Variants in LAMA2 observed in about 807,000 individuals in gnomAD.
LAMA2 encodes laminin subunit alpha 2, also known as laminin subunit alpha-2.
A neutral mutation model predicts 364.8 loss-of-function variants in LAMA2; 269 were observed. The observed-to-expected ratio is 0.74, with a 90% CI of 0.67 to 0.82. LAMA2 has a LOEUF of 0.82. Ranked by LOEUF, LAMA2 falls within the 40% of genes least tolerant of loss-of-function variation. The pLI is 0.00. For missense variants in LAMA2, 3,807 were observed against 3,873.2 expected, an observed-to-expected ratio of 0.98 and a Z score of 0.45; for synonymous variants, 1,379 against 1,370.6, an observed-to-expected ratio of 1.01 and a Z score of -0.14.
intron 12 of LAMA2, among the ~76,000 whole-genome samples, chr6:129,225,330 T>G (rs1043341216): frequency 3.3e-5 from 5 of 152,228 alleles, no homozygotes; most frequent in Admixed American, 1.3e-4. Flanking sequence ...TGACTCTATC[T>G]CCTTCAGTTC....
chr6:128,980,244 AAC>A (rs1279671757), intron 1 of LAMA2, among the ~76,000 whole-genome samples: 1 of 152,230 alleles, frequency 6.6e-6, no homozygotes, highest in Non-Finnish European at 1.5e-5. Context: ...CACACACACT[AAC>A]ACTTGGTGTG....
At chr6:129,350,415 C>T (rs1776794591) in intron 31 of LAMA2, among the ~76,000 whole-genome samples, 1 of 152,194 alleles carries the variant, frequency 6.6e-6, no homozygotes, top group African/African-American at 2.4e-5. Context: ...ACACTGAAGC[C>T]TTCTCTCCAA....
chr6:129,165,078 A>C (rs989945543), intron 8 of LAMA2, among the ~76,000 whole-genome samples: 2 of 152,142 alleles, frequency 1.3e-5, no homozygotes, highest in African/African-American at 2.4e-5. Context: ...TCTAATTTTA[A>C]CACTCTGATT....
intron 1 of LAMA2, among the ~76,000 whole-genome samples, chr6:128,942,259 GA>G (rs577735191): frequency 3.0e-4 from 45 of 149,726 alleles, no homozygotes; most frequent in African/African-American, 5.1e-4. Flanking sequence ...GGAGAAACTT[GA>G]AAAAAAAATC....
chr6:129,466,303 C>A (rs1260461536), intron 51 of LAMA2, among the ~76,000 whole-genome samples: 1 of 151,858 alleles, frequency 6.6e-6, no homozygotes, highest in East Asian at 1.9e-4. Flanking sequence ...AAGAGAGACA[C>A]TTGAGTCAAA....
chr6:129,463,523 CAGAT>C, intron 49 of LAMA2, among the ~76,000 whole-genome samples: 1 of 152,064 alleles, frequency 6.6e-6, no homozygotes, highest in South Asian at 2.1e-4. Flanking sequence ...TAACATCAGA[CAGAT>C]AGGTAGGTAG....
chr6:129,293,304 T>C (rs887685360), intron 20 of LAMA2, among the ~76,000 whole-genome samples: 10 of 152,208 alleles, frequency 6.6e-5, no homozygotes, highest in Non-Finnish European at 1.5e-4. Context: ...AAACTTTCAA[T>C]TAACCATGAA....
At chr6:129,243,393 T>C (rs748307806) in intron 12 of LAMA2, among the ~76,000 whole-genome samples, 14 of 152,244 alleles carry the variant, frequency 9.2e-5, no homozygotes, top group Non-Finnish European at 1.9e-4. Context: ...CAAAACACTA[T>C]AATGAATATC....
At chr6:129,020,963 A>G (rs1476175384) in intron 1 of LAMA2, among the ~76,000 whole-genome samples, 2 of 152,250 alleles carry the variant, frequency 1.3e-5, no homozygotes, top group Non-Finnish European at 2.9e-5. Flanking sequence ...TCCCCTGTAC[A>G]GAAAAGTTTG....
intron 30 of LAMA2, among the ~76,000 whole-genome samples, chr6:129,347,613 G>A (rs907099734): frequency 2.0e-5 from 3 of 152,160 alleles, no homozygotes; most frequent in Admixed American, 6.5e-5. Flanking sequence ...TAAAAATTCT[G>A]TTGAGGGGAG....
chr6:129,200,425 T>TGTGTACACATATAC (rs1782195834), intron 12 of LAMA2, among the ~76,000 whole-genome samples: 5 of 149,746 alleles, frequency 3.3e-5, no homozygotes, highest in Non-Finnish European at 7.4e-5. Flanking sequence ...TATACGTGTA[T>TGTGTACACATATAC]ATGTGTACAC....
chr6:128,929,377 C>A (rs1463736764), intron 1 of LAMA2: 6 of 1,005,258 alleles, frequency 6.0e-6, no homozygotes, highest in African/African-American at 1.6e-5. Flanking sequence ...CAAAGAAGTT[C>A]ATCAGTCATG....
At chr6:128,994,219 T>G (rs1277620184) in intron 1 of LAMA2, among the ~76,000 whole-genome samples, 1 of 152,244 alleles carries the variant, frequency 6.6e-6, no homozygotes, top group Non-Finnish European at 1.5e-5. Context: ...AAGGAGGATT[T>G]GAAGTATTTG....
At chr6:129,324,217 A>G (rs368959119) in intron 28 of LAMA2, among the ~76,000 whole-genome samples, 104 of 152,348 alleles carry the variant, frequency 6.8e-4, no homozygotes, top group African/African-American at 2.2e-3. Flanking sequence ...GCAAACATAG[A>G]AAAAACTATT....
At chr6:129,264,351 G>A (rs963231509) in intron 15 of LAMA2, among the ~76,000 whole-genome samples, 23 of 151,914 alleles carry the variant, frequency 1.5e-4, no homozygotes, top group African/African-American at 5.6e-4. Context: ...TGGTTGTGGT[G>A]TCATTTACTG....
intron 8 of LAMA2, among the ~76,000 whole-genome samples, chr6:129,162,978 C>T (rs1779528211): frequency 6.6e-6 from 1 of 152,112 alleles, no homozygotes; most frequent in Admixed American, 6.5e-5. Flanking sequence ...AGTTTTCCAA[C>T]CTCAGAGTTA....
At chr6:129,217,770 C>A (rs1783519449) in intron 12 of LAMA2, among the ~76,000 whole-genome samples, 1 of 152,078 alleles carries the variant, frequency 6.6e-6, no homozygotes, top group African/African-American at 2.4e-5. Context: ...CTGGGAACCC[C>A]AGGATATAAT....
intron 1 of LAMA2, among the ~76,000 whole-genome samples, chr6:128,924,022 G>A (rs574223078): frequency 1.3e-5 from 2 of 152,210 alleles, no homozygotes; most frequent in Non-Finnish European, 2.9e-5. Context: ...TTAACTGCAA[G>A]GGGCTGAGAA....
chr6:129,427,252 A>C (rs554020088), intron 40 of LAMA2, among the ~76,000 whole-genome samples: 1 of 152,290 alleles, frequency 6.6e-6, no homozygotes, highest in African/African-American at 2.4e-5. Context: ...TCATTTCAGC[A>C]CTTGGGAGAT....
Sources: allele counts gnomAD v4.1 joint callset (sites outside exome capture counted in the v4.1 genomes callset), GRCh38; gene constraint gnomAD v4.1.1; transcripts MANE v1.5; gene names NCBI Gene and HGNC (gene_info 2026-07-23, HGNC 2026-07-21).